Variants in PTPRD observed in about 807,000 individuals in gnomAD.
The protein encoded by PTPRD is protein tyrosine phosphatase receptor type D.
A neutral mutation model predicts 214.5 loss-of-function variants in PTPRD; 34 were observed. The observed-to-expected ratio is 0.16, with a 90% confidence interval of 0.12 to 0.21. PTPRD has a LOEUF of 0.21. Among genes scored for constraint, PTPRD ranks in the 10% least tolerant of loss-of-function variants. PTPRD has a pLI of 1.00. For missense variants in PTPRD, 2,545 were observed against 2,398.7 expected, an observed-to-expected ratio of 1.06 and a Z score of -1.27; for synonymous variants, 1,128 against 845.7, an observed-to-expected ratio of 1.33 and a Z score of -5.79.
At chr9:9,644,165 T>C (rs984561130) in intron 7 of PTPRD, among the ~76,000 whole-genome samples, 7 of 152,316 alleles carry the variant, frequency 4.6e-5, no homozygotes, top group African/African-American at 1.4e-4. Context: ...ATAGATTTCT[T>C]TGTGACAGTA....
At chr9:10,047,335 T>TGC (rs1380294731) in intron 3 of PTPRD, among the ~76,000 whole-genome samples, 1 of 149,526 alleles carries the variant, frequency 6.7e-6, no homozygotes, top group Non-Finnish European at 1.5e-5. Context: ...TGTGTGTGTG[T>TGC]GTGCGTGTGT....
intron 44 of PTPRD, among the ~76,000 whole-genome samples, chr9:8,326,392 A>C (rs952349457): frequency 2.0e-5 from 3 of 152,128 alleles, no homozygotes; most frequent in African/African-American, 4.8e-5. Context: ...GTGTATGTTG[A>C]ACAAGCCTTG....
At chr9:9,063,582 A>G (rs922399358) in intron 10 of PTPRD, among the ~76,000 whole-genome samples, 1 of 152,164 alleles carries the variant, frequency 6.6e-6, no homozygotes, top group Non-Finnish European at 1.5e-5. Flanking sequence ...AATTTAGGCT[A>G]TCTTGTTTAC....
At chr9:10,369,288 A>T (rs2097568878) in intron 2 of PTPRD, among the ~76,000 whole-genome samples, 1 of 152,098 alleles carries the variant, frequency 6.6e-6, no homozygotes, top group African/African-American at 2.4e-5. Context: ...TTTATTTTCT[A>T]TTCAATTAGC....
intron 7 of PTPRD, among the ~76,000 whole-genome samples, chr9:9,654,715 G>A (rs1006681528): frequency 4.6e-5 from 7 of 152,132 alleles, no homozygotes; most frequent in African/African-American, 1.7e-4. Context: ...GAGTAACAGT[G>A]TCAAAAGCAA....
chr9:9,216,927 C>T (rs943630413), intron 9 of PTPRD, among the ~76,000 whole-genome samples: 2 of 151,928 alleles, frequency 1.3e-5, no homozygotes, highest in African/African-American at 4.8e-5. Flanking sequence ...TGAATTATTT[C>T]TATTTTTTTT....
At chr9:10,197,409 T>C (rs921937169) in intron 3 of PTPRD, among the ~76,000 whole-genome samples, 11 of 152,102 alleles carry the variant, frequency 7.2e-5, no homozygotes, top group African/African-American at 2.2e-4. Context: ...TTTAATAGAA[T>C]TGCTTTCCTT....
intron 11 of PTPRD, among the ~76,000 whole-genome samples, chr9:9,013,993 C>G (rs1486502168): frequency 6.6e-6 from 1 of 151,852 alleles, no homozygotes; most frequent in Non-Finnish European, 1.5e-5. Context: ...CTCTTGAACT[C>G]TTGGCTGCTG....
At chr9:9,747,781 G>C (rs1028314634) in intron 6 of PTPRD, among the ~76,000 whole-genome samples, 4 of 152,050 alleles carry the variant, frequency 2.6e-5, no homozygotes, top group Non-Finnish European at 4.4e-5. Context: ...TCAAACTACT[G>C]ACCTCAGGTG....
chr9:10,221,883 A>C (rs1038537881), intron 3 of PTPRD, among the ~76,000 whole-genome samples: 9 of 151,922 alleles, frequency 5.9e-5, no homozygotes, highest in African/African-American at 9.7e-5. Flanking sequence ...GCTTTGTATT[A>C]TCTTGATCTA....
At chr9:10,003,452 A>T (rs2096385603) in intron 4 of PTPRD, among the ~76,000 whole-genome samples, 1 of 151,796 alleles carries the variant, frequency 6.6e-6, no homozygotes, top group Non-Finnish European at 1.5e-5. Context: ...ATTAAGATTG[A>T]ATATATATGA....
chr9:9,585,646 T>C (rs1197718672), intron 7 of PTPRD, among the ~76,000 whole-genome samples: 1 of 152,050 alleles, frequency 6.6e-6, no homozygotes, highest in Non-Finnish European at 1.5e-5. Flanking sequence ...GATTCTTCCC[T>C]TTCTTTTCAG....
At chr9:9,007,499 T>C (rs540242630) in intron 11 of PTPRD, among the ~76,000 whole-genome samples, 2 of 151,990 alleles carry the variant, frequency 1.3e-5, no homozygotes, top group South Asian at 4.1e-4. Context: ...TTGACCCTAT[T>C]ACTTTTTTCT....
At chr9:9,007,215 T>C (rs1021669653) in intron 11 of PTPRD, among the ~76,000 whole-genome samples, 5 of 151,716 alleles carry the variant, frequency 3.3e-5, no homozygotes, top group Admixed American at 1.3e-4. Context: ...TAATCTGTTT[T>C]AGGAAAATAT....
At chr9:9,251,993 CA>C (rs1480598482) in intron 9 of PTPRD, among the ~76,000 whole-genome samples, 1 of 152,034 alleles carries the variant, frequency 6.6e-6, no homozygotes, top group African/African-American at 2.4e-5. Flanking sequence ...AACCTATATA[CA>C]ATGCTTGCTA....
intron 11 of PTPRD, among the ~76,000 whole-genome samples, chr9:8,766,343 C>T (rs2094745327): frequency 6.6e-6 from 1 of 151,968 alleles, no homozygotes; most frequent in Non-Finnish European, 1.5e-5. Flanking sequence ...TAAAGTGTCC[C>T]AGTGTCAGTG....
At chr9:8,577,240 T>G (rs950452765) in intron 14 of PTPRD, among the ~76,000 whole-genome samples, 2 of 64,876 alleles carry the variant, frequency 3.1e-5, no homozygotes, top group Non-Finnish European at 6.2e-5. Context: ...TTTTTATTTG[T>G]TTGTTTGTTT....
At chr9:9,042,883 G>A (rs1419251583) in intron 10 of PTPRD, among the ~76,000 whole-genome samples, 1 of 152,130 alleles carries the variant, frequency 6.6e-6, no homozygotes, top group Non-Finnish European at 1.5e-5. Context: ...GGTAGCTGCA[G>A]TATCTGGTCT....
intron 4 of PTPRD, among the ~76,000 whole-genome samples, chr9:10,012,908 T>C (rs2096630219): frequency 6.6e-6 from 1 of 151,812 alleles, no homozygotes; most frequent in Admixed American, 6.6e-5. Flanking sequence ...TCAATGAGCA[T>C]GAGATTAAAT....
Sources: allele counts gnomAD v4.1 joint callset (sites outside exome capture counted in the v4.1 genomes callset), GRCh38; gene constraint gnomAD v4.1.1; transcripts MANE v1.5; gene names NCBI Gene and HGNC (gene_info 2026-07-23, HGNC 2026-07-21).